Variants in CRY1 observed in about 807,000 individuals in gnomAD.
CRY1 encodes cryptochrome-1.
CRY1 carries 45 observed loss-of-function variants against 76.0 expected under a neutral mutation model. That is an observed-to-expected ratio of 0.59 (90% CI 0.47 to 0.76). The LOEUF (loss-of-function observed/expected upper bound fraction) is 0.76. Among genes scored for constraint, CRY1 ranks in the 30% least tolerant of loss-of-function variants. CRY1 has a pLI of 0.00. For missense variants in CRY1, 587 were observed against 716.4 expected (o/e 0.82, Z 2.06); for synonymous variants, 248 against 244.0 (o/e 1.02, Z -0.15).
At chr12:107,042,065 T>C (rs924639278) in intron 1 of CRY1, among the ~76,000 whole-genome samples, 2 of 152,122 alleles carry the variant, frequency 1.3e-5, no homozygotes, top group African/African-American at 4.8e-5. Flanking sequence ...TAAACAGTAA[T>C]AGCAGTACAT....
intron 1 of CRY1, among the ~76,000 whole-genome samples, chr12:107,031,549 A>T (rs543427538): frequency 6.6e-6 from 1 of 152,344 alleles, no homozygotes; most frequent in African/African-American, 2.4e-5. Flanking sequence ...AATACTGACA[A>T]GTACTACCTT....
At position 107,005,210 on chromosome 12, in the gene CRY1, A is replaced by T. The variant is rs778871268; in HGVS notation, c.306T>A (p.Ser102=). The change falls in exon 3 of 13, where the codon TCT becomes TCA. Residue 102 remains serine (S), a synonymous_variant. Transcript: ENST00000008527. ...CGTCTCGTTCCTTTCCAAAGGGCTC[A>T]GAATCATACTCAATTGAAAGTTTAG... ...NITKLSIEYD[S]EPFGKERDAA... 1 of 1,613,582 alleles carries T rather than the reference A, an allele frequency of 6.2e-7. No individual in the cohort carries two copies. Among genetic ancestry groups the T allele is most frequent in the South Asian group, 1.1e-5 (1 of 91,044 alleles).
intron 1 of CRY1, among the ~76,000 whole-genome samples, chr12:107,054,338 A>C (rs1233263359): frequency 6.6e-6 from 1 of 151,866 alleles, no homozygotes; most frequent in Non-Finnish European, 1.5e-5. Context: ...CACTAAAAGA[A>C]TAGCTAAAAT....
chr12:107,017,964 ATTTG>A (rs773637178), intron 2 of CRY1, among the ~76,000 whole-genome samples: 1 of 152,106 alleles, frequency 6.6e-6, no homozygotes, highest in Non-Finnish European at 1.5e-5. Context: ...ATGTTTACTT[ATTTG>A]TTTACTATCT....
Position 107,039,017 on chromosome 12 carries a change from G to A in CRY1, c.159-16825C>T, listed in dbSNP as rs545510627. On this transcript the variant is annotated intron_variant, in intron 1 of 12. Coordinates refer to ENST00000008527, the MANE Select transcript of CRY1 (RefSeq NM_004075.5). ...TGCATGCCTGTAATCCCAGCTACTC[G>A]GGAAGGCTGAGGCAGAAGAATCACT... is the stretch of plus-strand genomic sequence containing the variant. Among the ~76,000 whole-genome samples, 23 of 152,168 alleles carry A rather than the reference G, an allele frequency of 1.5e-4. No individual in the cohort carries two copies. In the South Asian group the frequency reaches 4.4e-3, roughly 29 times the overall value.
intron 2 of CRY1, among the ~76,000 whole-genome samples, chr12:107,013,760 C>A (rs547069867): frequency 3.9e-5 from 6 of 152,044 alleles, no homozygotes; most frequent in African/African-American, 1.2e-4. Context: ...AAAATACATA[C>A]AAGATTTCAA....
At chr12:107,036,151 T>A (rs1417786810) in intron 1 of CRY1, among the ~76,000 whole-genome samples, 1 of 152,202 alleles carries the variant, frequency 6.6e-6, no homozygotes, top group African/African-American at 2.4e-5. Context: ...CTTCACCAAG[T>A]ACTTCCTCAC....
At chr12:106,992,700 A>C in intron 12 of CRY1, 87 bp downstream of exon 12, 1 of 1,175,586 alleles carries the variant, frequency 8.5e-7, no homozygotes, top group Non-Finnish European at 1.2e-6. Context: ...GTTTGAAAAT[A>C]GAGATTTGCT....
intron 1 of CRY1, among the ~76,000 whole-genome samples, chr12:107,077,158 CACAA>C (rs780756884): frequency 3.3e-5 from 5 of 151,528 alleles, no homozygotes; most frequent in Admixed American, 1.3e-4. Flanking sequence ...AACACATACA[CACAA>C]ACACACACAC....
intron 1 of CRY1, chr12:107,043,243 T>C (rs1045501409): frequency 1.3e-5 from 2 of 152,230 alleles, no homozygotes; most frequent in African/African-American, 2.4e-5. Context: ...TGAGCTGAAG[T>C]AGTATCTTGC....
In CRY1 at chr12:106,999,650, C is replaced by T. The variant is rs1952278938; in HGVS notation, c.1038G>A (p.Gln346=). 3 of 1,614,242 alleles carry T rather than the reference C, an allele frequency of 1.9e-6. No homozygotes were observed. The highest frequency in any genetic ancestry group is 1.7e-6 in the Non-Finnish European group (2 of 1,180,050). Residue 346 remains glutamine (Q), a synonymous_variant, in exon 7 of 13, where the codon CAG becomes CAA. Coordinates refer to ENST00000008527, the MANE Select transcript of CRY1 (RefSeq NM_004075.5). ...GFPWIDAIMT[Q]LRQEGWIHHL... ...GATGAATCCAACCCTCCTGACGAAG[C>T]TGTGTCATGATGGCATCAATCCATG... is the stretch of plus-strand genomic sequence containing the variant.
intron 1 of CRY1, among the ~76,000 whole-genome samples, chr12:107,071,463 C>A (rs1953189921): frequency 1.3e-5 from 2 of 152,118 alleles, no homozygotes; most frequent in Non-Finnish European, 2.9e-5. Flanking sequence ...GCTTCTGTAT[C>A]CTATTTGATA....
At chr12:107,009,586 A>ATATATATATATATC (rs1952419635) in intron 2 of CRY1, among the ~76,000 whole-genome samples, 1 of 88,040 alleles carries the variant, frequency 1.1e-5, no homozygotes, top group Non-Finnish European at 1.9e-5. Flanking sequence ...ATATATATAT[A>ATATATATATATATC]TATATATATA....
intron 1 of CRY1, among the ~76,000 whole-genome samples, chr12:107,024,796 C>T (rs1240370618): frequency 6.6e-6 from 1 of 152,130 alleles, no homozygotes; most frequent in African/African-American, 2.4e-5. Flanking sequence ...CTTCATGAAA[C>T]AAAAGACTAA....
At chr12:107,024,310 T>C (rs1952585694) in intron 1 of CRY1, among the ~76,000 whole-genome samples, 1 of 152,212 alleles carries the variant, frequency 6.6e-6, no homozygotes, top group South Asian at 2.1e-4. Context: ...CAAAAGGACA[T>C]GATTAATTCA....
At chr12:107,065,741 A>G (rs1004786237) in intron 1 of CRY1, among the ~76,000 whole-genome samples, 1 of 152,244 alleles carries the variant, frequency 6.6e-6, no homozygotes, top group Non-Finnish European at 1.5e-5. Context: ...ACCATGAAAG[A>G]TAAGGAAATT....
At chr12:107,053,135 A>G (rs1457686751) in intron 1 of CRY1, among the ~76,000 whole-genome samples, 1 of 152,238 alleles carries the variant, frequency 6.6e-6, no homozygotes, top group East Asian at 1.9e-4. Context: ...AAAAGAACCA[A>G]AGAAAATCTC....
intron 7 of CRY1, among the ~76,000 whole-genome samples, chr12:106,999,027 G>A (rs569172394): frequency 7.0e-6 from 1 of 142,092 alleles, no homozygotes; most frequent in Non-Finnish European, 1.5e-5. Context: ...GGGCTACAGA[G>A]TGAGAGACTC....
intron 1 of CRY1, among the ~76,000 whole-genome samples, chr12:107,029,149 C>T (rs187363195): frequency 1.3e-5 from 2 of 152,196 alleles, no homozygotes; most frequent in East Asian, 3.9e-4. Context: ...AGTGATCCTC[C>T]CATCTCGGTT....
Sources: gnomAD v4.1 joint callset for allele counts (sites outside exome capture counted in the v4.1 genomes callset) on GRCh38, gnomAD v4.1.1 for gene constraint, MANE v1.5 for transcripts, NCBI Gene and HGNC (gene_info 2026-07-23, HGNC 2026-07-21) for gene names.